SOX6: variants seen among roughly 807,000 people sequenced by gnomAD.
SOX6 encodes the protein transcription factor SOX-6.
A neutral mutation model predicts 97.8 loss-of-function variants in SOX6; 11 were observed. The ratio of observed to expected loss-of-function variants is 0.11; its 90% CI spans 0.07 to 0.19. SOX6 has a LOEUF of 0.19. Among genes scored for constraint, SOX6 ranks in the 10% least tolerant of loss-of-function variants. The probability of loss-of-function intolerance (pLI) is 1.00; values close to 1 mark genes in which losing one functional copy is unlikely to be tolerated. For synonymous variants in SOX6, 360 were observed against 371.4 expected, an observed-to-expected ratio of 0.97 and a Z score of 0.35; for missense variants, 810 against 1,039.5, an observed-to-expected ratio of 0.78 and a Z score of 3.04.
chr11:16,144,889 A>G (rs1438929838), intron 6 of SOX6, among the ~76,000 whole-genome samples: 4 of 152,222 alleles, frequency 2.6e-5, no homozygotes, highest in Non-Finnish European at 4.4e-5. Flanking sequence ...GTCCAGGACC[A>G]GACGGATTCA....
At chr11:16,175,781 G>C (rs1263625736) in intron 6 of SOX6, among the ~76,000 whole-genome samples, 1 of 151,718 alleles carries the variant, frequency 6.6e-6, no homozygotes, top group Non-Finnish European at 1.5e-5. Flanking sequence ...TCTTATTTTT[G>C]TCTTATTTTG....
rs1426602616 is a variant in SOX6, at chr11:16,576,033, G to GAAACACACTCACTCATAGA, written n.609+36047_609+36048insTCTATGAGTGAGTGTGTTT. Among the ~76,000 whole-genome samples the GAAACACACTCACTCATAGA allele has an allele frequency of 2.0e-3, 12 of 6,036 alleles. 3 individuals are homozygous for GAAACACACTCACTCATAGA. The highest frequency in any genetic ancestry group is 2.8e-3 in the African/African-American group (5 of 1,782). The allele number at this position is 6,036 out of a possible 152,430, so 4.0% of individuals were successfully genotyped here. On this transcript the variant is annotated intron_variant and non_coding_transcript_variant, in intron 4 of 5. Transcript: ENST00000524520. ...AAGGTCTTTGAAAACCACAACTACGGCCGGGCGCGGTGGCTCACGCCTGTA... is the reference window on the plus strand; with the variant it reads ...AAGGTCTTTGAAAACCACAACTACGGAAACACACTCACTCATAGACCGGGCGCGGTGGCTCACGCCTGTA...
At chr11:16,573,941 G>A (rs991081895) in intron 4 of SOX6, among the ~76,000 whole-genome samples, 1 of 152,078 alleles carries the variant, frequency 6.6e-6, no homozygotes, top group Non-Finnish European at 1.5e-5. Context: ...TAATGTTCAT[G>A]TTGTATAAGA....
At chr11:16,551,699 G>A (rs1037453581) in intron 4 of SOX6, among the ~76,000 whole-genome samples, 11 of 152,086 alleles carry the variant, frequency 7.2e-5, no homozygotes, top group Admixed American at 3.9e-4. Context: ...CGCCTCCCGG[G>A]TTCAAGCAAT....
chr11:16,120,624 T>C (rs975286651), intron 6 of SOX6, among the ~76,000 whole-genome samples: 2 of 151,506 alleles, frequency 1.3e-5, no homozygotes, highest in Non-Finnish European at 2.9e-5. Flanking sequence ...GAAAAGTTGG[T>C]TTAAAGCAAA....
At chr11:16,121,362 T>C (rs1849485092) in intron 6 of SOX6, among the ~76,000 whole-genome samples, 1 of 152,014 alleles carries the variant, frequency 6.6e-6, no homozygotes, top group Admixed American at 6.6e-5. Context: ...ATGAGAAACA[T>C]GCTACTCCAA....
At chr11:16,013,939 C>G (rs933479267) in intron 13 of SOX6, among the ~76,000 whole-genome samples, 4 of 151,954 alleles carry the variant, frequency 2.6e-5, no homozygotes, top group African/African-American at 9.7e-5. Flanking sequence ...TGGAAGAAAC[C>G]CTGCCAGTTA....
At chr11:16,205,155 A>G (rs899322866) in intron 4 of SOX6, among the ~76,000 whole-genome samples, 7 of 152,150 alleles carry the variant, frequency 4.6e-5, no homozygotes, top group Non-Finnish European at 8.8e-5. Flanking sequence ...ATTTTGTGAG[A>G]CACAACTTGT....
intron 13 of SOX6, among the ~76,000 whole-genome samples, chr11:15,990,270 C>T (rs920730732): frequency 3.3e-5 from 5 of 151,698 alleles, no homozygotes; most frequent in African/African-American, 9.7e-5. Context: ...ATTCATTAAG[C>T]AAAGATTATT....
At chr11:15,974,552 G>T (rs59962717) in intron 15 of SOX6, among the ~76,000 whole-genome samples, 1 of 98,212 alleles carries the variant, frequency 1.0e-5, no homozygotes, top group African/African-American at 4.3e-5. Flanking sequence ...CCCCCGACCC[G>T]ACCACAGTCC....
chr11:16,186,697 C>A, intron 5 of SOX6, 86 bp downstream of exon 5: 1 of 1,415,940 alleles, frequency 7.1e-7, no homozygotes, highest in Non-Finnish European at 9.9e-7. Context: ...GGAAAGCTTA[C>A]AACAAATAAG....
intron 3 of SOX6, among the ~76,000 whole-genome samples, chr11:16,665,167 A>C (rs1847797713): frequency 6.6e-6 from 1 of 151,986 alleles, no homozygotes; most frequent in South Asian, 2.1e-4. Context: ...GCTTGAGAAA[A>C]GGAGAAAGAA....
intron 3 of SOX6, among the ~76,000 whole-genome samples, chr11:16,276,850 C>A (rs1237786044): frequency 1.3e-5 from 2 of 152,174 alleles, no homozygotes; most frequent in Non-Finnish European, 2.9e-5. Flanking sequence ...CTAATTAATG[C>A]CAGTTTTAGC....
At chr11:16,286,235 T>G (rs1269898687) in intron 3 of SOX6, among the ~76,000 whole-genome samples, 1 of 152,174 alleles carries the variant, frequency 6.6e-6, no homozygotes, top group Non-Finnish European at 1.5e-5. Context: ...CATCTCAGTG[T>G]GTACTGGGAT....
chr11:16,415,068 CAT>C (rs1199338329), intron 1 of SOX6, among the ~76,000 whole-genome samples: 4 of 151,990 alleles, frequency 2.6e-5, no homozygotes, highest in African/African-American at 9.7e-5. Flanking sequence ...ACCCAAGATA[CAT>C]GTTCTTTTTT....
intron 7 of SOX6, among the ~76,000 whole-genome samples, chr11:16,102,196 A>T (rs1056628772): frequency 1.3e-4 from 20 of 151,962 alleles, no homozygotes; most frequent in African/African-American, 4.1e-4. Flanking sequence ...AGGATACAAA[A>T]TTAATGTACA....
intron 4 of SOX6, among the ~76,000 whole-genome samples, chr11:16,195,424 A>G (rs954736154): frequency 6.6e-6 from 1 of 152,222 alleles, no homozygotes; most frequent in Non-Finnish European, 1.5e-5. Context: ...TGAGGTACCA[A>G]GAATCCTAAT....
chr11:16,631,914 G>A (rs1022370879), intron 3 of SOX6, among the ~76,000 whole-genome samples: 1 of 152,112 alleles, frequency 6.6e-6, no homozygotes, highest in African/African-American at 2.4e-5. Flanking sequence ...CTTTAAGTGA[G>A]TTTTTCAATT....
intron 1 of SOX6, among the ~76,000 whole-genome samples, chr11:16,438,104 G>A (rs989165086): frequency 6.6e-6 from 1 of 152,170 alleles, no homozygotes; most frequent in African/African-American, 2.4e-5. Context: ...AGGCCTTTTG[G>A]AAGTATGTAT....
Sources: allele counts gnomAD v4.1 joint callset (sites outside exome capture counted in the v4.1 genomes callset), GRCh38; gene constraint gnomAD v4.1.1; transcripts MANE v1.5; gene names NCBI Gene and HGNC (gene_info 2026-07-23, HGNC 2026-07-21).